SLC23A2: variants seen among roughly 807,000 people sequenced by gnomAD.
SLC23A2 encodes the protein solute carrier family 23 member 2.
A neutral mutation model predicts 73.3 loss-of-function variants in SLC23A2; 36 were observed. The ratio of observed to expected loss-of-function variants is 0.49; its 90% CI spans 0.38 to 0.65. The LOEUF is 0.65. Ranked by LOEUF, SLC23A2 falls within the 30% of genes least tolerant of loss-of-function variation. The pLI is 0.00. For synonymous variants in SLC23A2, 343 were observed against 327.3 expected (o/e 1.05, Z -0.52); for missense variants, 507 against 841.6 (o/e 0.60, Z 4.92).
chr20:4,967,777 T>C (rs980242084), intron 2 of SLC23A2, among the ~76,000 whole-genome samples: 3 of 152,172 alleles, frequency 2.0e-5, no homozygotes, highest in Non-Finnish European at 4.4e-5. Context: ...TTCCGCAGCA[T>C]CTGTGGTGGT....
intron 2 of SLC23A2, among the ~76,000 whole-genome samples, chr20:4,934,137 G>A (rs572566848): frequency 5.3e-5 from 8 of 152,298 alleles, no homozygotes; most frequent in Middle Eastern, 3.4e-3. Flanking sequence ...CGGGGTGGTC[G>A]TTCTTGTTTG....
At position 4,863,632 on chromosome 20, in the gene SLC23A2, C is replaced by T. The variant is rs111888149; in HGVS notation, c.1357-725G>A. On this transcript the variant is annotated intron_variant, in intron 13 of 16. Coordinates refer to ENST00000338244, the MANE Select transcript of SLC23A2 (RefSeq NM_005116.6). The surrounding 1 kb of genome is among the most constrained non-coding windows in gnomAD (Gnocchi z 4.8). Reference sequence around the variant, plus strand: ...CACCCATTCCATGGGGCCACGGGGTCACCTTTCTAACACATGAAATTGGGG... The same window carrying T: ...CACCCATTCCATGGGGCCACGGGGTTACCTTTCTAACACATGAAATTGGGG... 8.4e-3 allele frequency among the ~76,000 whole-genome samples: 1,281 copies of T among 152,288 alleles called. 16 individuals carry two copies. The highest frequency in any genetic ancestry group is 0.027 in the African/African-American group (1,104 of 41,568).
intron 6 of SLC23A2, among the ~76,000 whole-genome samples, chr20:4,896,772 C>T (rs574135519): frequency 6.6e-6 from 1 of 152,330 alleles, no homozygotes; most frequent in East Asian, 1.9e-4. Context: ...AACCAAGTAA[C>T]GTCCTTCAAG....
intron 9 of SLC23A2, among the ~76,000 whole-genome samples, chr20:4,877,752 TA>T: frequency 6.6e-6 from 1 of 152,356 alleles, no homozygotes; most frequent in African/African-American, 2.4e-5. Flanking sequence ...GGGGGTTCAT[TA>T]AACTATTCTC....
At chr20:4,990,886 G>A (rs890278766) in intron 1 of SLC23A2, among the ~76,000 whole-genome samples, 12 of 146,802 alleles carry the variant, frequency 8.2e-5, no homozygotes. Context: ...GCTGAGGCAA[G>A]AGAATCACCT....
intron 9 of SLC23A2, 49 bp from the exon 10 acceptor site, chr20:4,874,745 TTATAAAA>T (rs1162769501): frequency 2.7e-6 from 4 of 1,493,054 alleles, no homozygotes. Flanking sequence ...TATGTCTCTG[TTATAAAA>T]TAACACTCGA....
intron 8 of SLC23A2, 95 bp downstream of exon 8, chr20:4,884,658 G>T: frequency 1.3e-6 from 1 of 796,864 alleles, no homozygotes; most frequent in Non-Finnish European, 2.2e-6. Flanking sequence ...GAAAAGAAGG[G>T]CTCAGTAAAA....
At chr20:4,889,096 C>G (rs1306405084) in intron 6 of SLC23A2, among the ~76,000 whole-genome samples, 1 of 152,230 alleles carries the variant, frequency 6.6e-6, no homozygotes, top group Admixed American at 6.5e-5. Flanking sequence ...CTGAGCCCTT[C>G]TGTTTCTGCT....
chr20:4,875,746 A>C (rs2122807863), intron 9 of SLC23A2, among the ~76,000 whole-genome samples: 1 of 152,134 alleles, frequency 6.6e-6, no homozygotes, highest in South Asian at 2.1e-4. Flanking sequence ...CCGAAACAAA[A>C]CTCGTGCCCA....
At chr20:4,904,661 G>A (rs1160020094) in intron 4 of SLC23A2, among the ~76,000 whole-genome samples, 2 of 152,246 alleles carry the variant, frequency 1.3e-5, no homozygotes, top group Non-Finnish European at 2.9e-5. Context: ...CACAGGTGGT[G>A]CTGCTGCTCA....
chr20:4,911,912 T>C (rs908613954), intron 4 of SLC23A2, among the ~76,000 whole-genome samples: 7 of 152,104 alleles, frequency 4.6e-5, no homozygotes, highest in Non-Finnish European at 1.0e-4. Flanking sequence ...AGCATGATCT[T>C]AGCTCACTGT....
At chr20:4,966,446 A>T (rs2087476113) in intron 2 of SLC23A2, among the ~76,000 whole-genome samples, 1 of 152,180 alleles carries the variant, frequency 6.6e-6, no homozygotes. Context: ...GTGGCTACTG[A>T]GCATCTTAAA....
intron 6 of SLC23A2, among the ~76,000 whole-genome samples, chr20:4,886,667 T>C (rs1236857880): frequency 1.3e-5 from 2 of 152,222 alleles, no homozygotes; most frequent in Non-Finnish European, 2.9e-5. Flanking sequence ...TACCATTTTT[T>C]AATGGAAATG....
intron 1 of SLC23A2, among the ~76,000 whole-genome samples, chr20:4,993,092 C>A (rs978880547): frequency 3.3e-5 from 5 of 151,618 alleles, no homozygotes; most frequent in African/African-American, 1.2e-4. Context: ...TCCTGGCCAA[C>A]ACAGTGAAAC....
chr20:4,859,814 C>T (rs1400121351), intron 15 of SLC23A2, among the ~76,000 whole-genome samples: 6 of 152,182 alleles, frequency 3.9e-5, no homozygotes. Context: ...TTTCAGTATC[C>T]TGGGTTATCA....
At chr20:4,995,075 G>A (rs1040663062) in intron 1 of SLC23A2, among the ~76,000 whole-genome samples, 4 of 152,126 alleles carry the variant, frequency 2.6e-5, no homozygotes, top group African/African-American at 7.2e-5. Context: ...ATGAAATGAT[G>A]GTCCAAAATG....
At chr20:4,870,698 G>A (rs1021607165) in intron 11 of SLC23A2, among the ~76,000 whole-genome samples, 7 of 152,150 alleles carry the variant, frequency 4.6e-5, no homozygotes, top group African/African-American at 1.4e-4. Context: ...GCCCTGCCAC[G>A]TTGGGAAATT....
At chr20:5,007,475 G>A (rs1211463131) in intron 1 of SLC23A2, among the ~76,000 whole-genome samples, 1 of 152,170 alleles carries the variant, frequency 6.6e-6, no homozygotes, top group Admixed American at 6.6e-5. Context: ...AGGTTGCAGT[G>A]AGCTGAAATC....
chr20:4,901,574 C>G (rs992293749), intron 5 of SLC23A2, among the ~76,000 whole-genome samples: 1 of 152,152 alleles, frequency 6.6e-6, no homozygotes, highest in Non-Finnish European at 1.5e-5. Flanking sequence ...ATCAAAGACG[C>G]CGGAGGCCTC....
Sources: allele counts gnomAD v4.1 joint callset (sites outside exome capture counted in the v4.1 genomes callset), GRCh38; gene constraint gnomAD v4.1.1; non-coding constraint Gnocchi (gnomAD v3.1); transcripts MANE v1.5; gene names NCBI Gene and HGNC (gene_info 2026-07-23, HGNC 2026-07-21).